Variants in PIK3C2A observed in about 807,000 individuals in gnomAD.
PIK3C2A encodes phosphatidylinositol 4-phosphate 3-kinase C2 domain-containing subunit alpha.
Under a neutral mutation model 204.5 loss-of-function variants are expected in PIK3C2A, and 97 were observed. The observed-to-expected ratio is 0.47, with a 90% CI of 0.40 to 0.56. PIK3C2A has a LOEUF of 0.56. PIK3C2A is among the 20% of genes least tolerant of loss of function. The pLI is 0.00. For missense variants in PIK3C2A, 1,735 were observed against 1,969.2 expected (o/e 0.88, Z 2.25); for synonymous variants, 653 against 664.4 (o/e 0.98, Z 0.26).
rs188008368 is a variant in PIK3C2A, at chr11:17,190,212, G to A, written c.-66+17636C>T. On this transcript the variant is annotated intron_variant, in intron 1 of 32. Coordinates refer to ENST00000691414, the MANE Select transcript of PIK3C2A (RefSeq NM_002645.4). ...TGGGAGGCAGAGGTTGCAGTGAGCC[G>A]AGATCATGCCACTGTACTCCAGCCT... is the stretch of plus-strand genomic sequence containing the variant. Among the ~76,000 whole-genome samples, 225 of 152,028 alleles carry A rather than the reference G, an allele frequency of 1.5e-3. 1 individual carries two copies. Among genetic ancestry groups the A allele is most frequent in the Middle Eastern group, 6.8e-3 (2 of 294 alleles).
At chr11:17,175,865 T>C (rs758677933) in intron 1 of PIK3C2A, among the ~76,000 whole-genome samples, 9 of 152,204 alleles carry the variant, frequency 5.9e-5, no homozygotes, top group Non-Finnish European at 1.3e-4. Flanking sequence ...CCCATCTAAA[T>C]GTTTTCCTGA....
At chr11:17,196,458 A>C (rs752381541) in intron 1 of PIK3C2A, among the ~76,000 whole-genome samples, 1 of 152,258 alleles carries the variant, frequency 6.6e-6, no homozygotes, top group Non-Finnish European at 1.5e-5. Flanking sequence ...TGGAAATGTT[A>C]AGAAGTGGTT....
At chr11:17,131,351 T>A (rs1181352682) in intron 12 of PIK3C2A, among the ~76,000 whole-genome samples, 1 of 152,120 alleles carries the variant, frequency 6.6e-6, no homozygotes, top group Non-Finnish European at 1.5e-5. Flanking sequence ...TATCTTTAAC[T>A]TGACAAAGTC....
At chr11:17,179,868 C>T (rs1565295839) in intron 1 of PIK3C2A, among the ~76,000 whole-genome samples, 1 of 152,152 alleles carries the variant, frequency 6.6e-6, no homozygotes. Flanking sequence ...ACCTCAGCCT[C>T]CCAAATCACT....
intron 11 of PIK3C2A, among the ~76,000 whole-genome samples, chr11:17,132,618 C>G (rs1008732707): frequency 6.6e-6 from 1 of 151,676 alleles, no homozygotes; most frequent in African/African-American, 2.4e-5. Context: ...CGTGAGCCAC[C>G]GCGCCCGGCC....
At chr11:17,131,871 C>T (rs1849706672) in intron 12 of PIK3C2A, 45 bp downstream of exon 12, 3 of 1,542,730 alleles carry the variant, frequency 1.9e-6, no homozygotes, top group Non-Finnish European at 1.8e-6. Flanking sequence ...AAAAAGTAAA[C>T]AACAGGACAC....
At chr11:17,154,551 A>G (rs1850521789) in intron 3 of PIK3C2A, among the ~76,000 whole-genome samples, 1 of 152,138 alleles carries the variant, frequency 6.6e-6, no homozygotes, top group Admixed American at 6.6e-5. Context: ...GTGGTGATCT[A>G]CTTCCCTTTT....
intron 1 of PIK3C2A, among the ~76,000 whole-genome samples, chr11:17,175,295 C>G (rs902786763): frequency 7.2e-5 from 11 of 152,114 alleles, no homozygotes; most frequent in African/African-American, 2.7e-4. Flanking sequence ...AAATTCAACT[C>G]TAAGTAGTAA....
chr11:17,133,845 T>C lies in PIK3C2A; in HGVS notation c.2108+974A>G, dbSNP rs571733102. ...GGGGAGGCTGAGGCACAAGAATTGC[T>C]TGAACCCTGGAATCAGAGGTTGCAG... On this transcript the variant is annotated intron_variant, in intron 11 of 32. Coordinates refer to ENST00000691414, the MANE Select transcript of PIK3C2A (RefSeq NM_002645.4). 2.6e-5 allele frequency among the ~76,000 whole-genome samples: 4 copies of C among 152,080 alleles called. No individual in the cohort carries two copies. In the East Asian group the frequency reaches 7.7e-4, roughly 29 times the overall value.
chr11:17,090,666 T>C (rs1848281815), intron 32 of PIK3C2A, among the ~76,000 whole-genome samples: 1 of 152,140 alleles, frequency 6.6e-6, no homozygotes, highest in Non-Finnish European at 1.5e-5. Context: ...TATATCATTT[T>C]GTTAAATACT....
In PIK3C2A at chr11:17,182,590, C is replaced by T. The variant is rs1358228447; in HGVS notation, c.-65-12784G>A. ...CTCAAAAAAAAAAAAAAAAAAAGTTCGACTTGGAAAGTTTATCTTTTAGTG... is the reference window on the plus strand; with the variant it reads ...CTCAAAAAAAAAAAAAAAAAAAGTTTGACTTGGAAAGTTTATCTTTTAGTG... On this transcript the variant is annotated intron_variant, in intron 1 of 32. Coordinates refer to ENST00000691414, the MANE Select transcript of PIK3C2A (RefSeq NM_002645.4). Among the ~76,000 whole-genome samples, 5 of 146,354 alleles carry T rather than the reference C, an allele frequency of 3.4e-5. No individual in the cohort carries two copies. The South Asian group carries it at 6.4e-4, about 19-fold the overall frequency.
At chr11:17,093,457 C>T (rs1033887708) in intron 28 of PIK3C2A, among the ~76,000 whole-genome samples, 5 of 151,724 alleles carry the variant, frequency 3.3e-5, no homozygotes, top group East Asian at 3.9e-4. Flanking sequence ...TTAGAAGAGA[C>T]GGTTCACCGT....
intron 22 of PIK3C2A, among the ~76,000 whole-genome samples, chr11:17,109,535 C>T (rs1264029192): frequency 6.6e-6 from 1 of 152,108 alleles, no homozygotes; most frequent in Non-Finnish European, 1.5e-5. Context: ...AAAATGAAAT[C>T]AAAGTTGATT....
chr11:17,196,771 C>T (rs1852175069), intron 1 of PIK3C2A, among the ~76,000 whole-genome samples: 2 of 151,990 alleles, frequency 1.3e-5, no homozygotes, highest in South Asian at 4.1e-4. Context: ...GGGGTTTCAC[C>T]GTGTTAGCCA....
intron 21 of PIK3C2A, among the ~76,000 whole-genome samples, chr11:17,112,032 T>A (rs1321321191): frequency 6.6e-6 from 1 of 152,084 alleles, no homozygotes; most frequent in Non-Finnish European, 1.5e-5. Flanking sequence ...CAAAGGAATT[T>A]ATTATATATA....
At position 17,119,861 on chromosome 11, in the gene PIK3C2A, A is replaced by G. The variant is rs776450373; in HGVS notation, c.2771T>C (p.Leu924Pro). The part of the protein sequence containing the change: ...ASAPNWKWVN[L>P]AKTYSLLHQW... Reference sequence around the variant, plus strand: ...GTGAAGCAATGAGTAAGTTTTGGCAAGATTAACCCATTTCCAGTTTGGGGC... The same window carrying G: ...GTGAAGCAATGAGTAAGTTTTGGCAGGATTAACCCATTTCCAGTTTGGGGC... The change falls in exon 16 of 33, where the codon CTT becomes CCT. Residue 924 changes from leucine (L) to proline (P), a missense_variant. Around this residue, in one of 6 missense-constraint regions of PIK3C2A, gnomAD observed 567 missense variants for 576.0 expected, o/e 0.98. Coordinates refer to ENST00000691414, the MANE Select transcript of PIK3C2A (RefSeq NM_002645.4). The G allele has an allele frequency of 1.2e-6, 2 of 1,611,296 alleles. No homozygotes were observed. The highest frequency in any genetic ancestry group is 1.7e-6 in the Non-Finnish European group (2 of 1,178,820).
intron 3 of PIK3C2A, among the ~76,000 whole-genome samples, chr11:17,154,431 T>C (rs1850519169): frequency 1.3e-5 from 2 of 152,196 alleles, no homozygotes; most frequent in Non-Finnish European, 2.9e-5. Flanking sequence ...TTAAGTTCTT[T>C]AACATTAAAA....
Position 17,089,292 on chromosome 11 carries a change from T to G in PIK3C2A, c.*446A>C, listed in dbSNP as rs1236032999. The G allele has an allele frequency of 6.5e-6, 1 of 152,774 alleles. No individual in the cohort carries two copies. Among genetic ancestry groups the G allele is most frequent in the Non-Finnish European group, 1.5e-5 (1 of 68,436 alleles). 9.5% of individuals were successfully genotyped at this position (152,774 alleles called of 1,614,324 possible). ...TCAGCTCCATGAATAGCAGCTGGAT[T>G]TTACGGTAACATCCTGCATTTTTCC... On this transcript the variant is annotated 3_prime_UTR_variant, in exon 33 of 33. Coordinates refer to ENST00000691414, the MANE Select transcript of PIK3C2A (RefSeq NM_002645.4).
intron 8 of PIK3C2A, among the ~76,000 whole-genome samples, chr11:17,139,388 C>T (rs758876112): frequency 2.6e-5 from 4 of 152,012 alleles, no homozygotes; most frequent in Admixed American, 6.5e-5. Flanking sequence ...CCACCATGCC[C>T]GGCTAATTTT....
Sources: gnomAD v4.1 joint callset for allele counts (sites outside exome capture counted in the v4.1 genomes callset) on GRCh38, gnomAD v4.1.1 for gene constraint, gnomAD v4.1.1 regional missense constraint, MANE v1.5 for transcripts, NCBI Gene and HGNC (gene_info 2026-07-23, HGNC 2026-07-21) for gene names.